The following ELP4 variants were observed in gnomAD, a reference collection of about 807,000 sequenced individuals.
The protein encoded by ELP4 is elongator complex protein 4.
ELP4 carries 51 observed loss-of-function variants against 48.9 expected under a neutral mutation model. The observed-to-expected ratio is 1.04, with a 90% confidence interval of 0.83 to 1.32. The LOEUF (loss-of-function observed/expected upper bound fraction) is 1.32. Among genes scored for constraint, ELP4 ranks in the 40% most tolerant of loss-of-function variants. ELP4 has a pLI of 0.00. For missense variants in ELP4, 519 were observed against 514.6 expected, an observed-to-expected ratio of 1.01 and a Z score of -0.08; for synonymous variants, 210 against 189.2, an observed-to-expected ratio of 1.11 and a Z score of -0.90.
At chr11:31,626,083 A>G (rs1039535735) in intron 5 of ELP4, among the ~76,000 whole-genome samples, 17 of 151,824 alleles carry the variant, frequency 1.1e-4, no homozygotes, top group African/African-American at 4.1e-4. Context: ...GTTCAACTAC[A>G]TGTTTACAGA....
At chr11:31,597,602 A>ACT (rs1957693266) in intron 4 of ELP4, among the ~76,000 whole-genome samples, 1 of 151,912 alleles carries the variant, frequency 6.6e-6, no homozygotes, top group Non-Finnish European at 1.5e-5. Context: ...ATGAACCTAA[A>ACT]CTCTAAGTTT....
intron 3 of ELP4, among the ~76,000 whole-genome samples, chr11:31,551,874 A>T (rs940403064): frequency 6.6e-6 from 1 of 152,174 alleles, no homozygotes; most frequent in Non-Finnish European, 1.5e-5. Context: ...TTCAAAACAT[A>T]TCATGACCCT....
At chr11:31,545,631 G>A (rs1024924598) in intron 3 of ELP4, among the ~76,000 whole-genome samples, 13 of 152,126 alleles carry the variant, frequency 8.5e-5, no homozygotes, top group Non-Finnish European at 1.6e-4. Context: ...GAAATACAGA[G>A]AATGCCACAA....
At chr11:31,562,628 T>A (rs984040375) in intron 3 of ELP4, among the ~76,000 whole-genome samples, 3 of 152,078 alleles carry the variant, frequency 2.0e-5, no homozygotes, top group South Asian at 2.1e-4. Context: ...TTTTTCACCC[T>A]TTCTTTTTGT....
chr11:31,743,593 T>A (rs1216271077), intron 9 of ELP4, among the ~76,000 whole-genome samples: 1 of 151,740 alleles, frequency 6.6e-6, no homozygotes, highest in African/African-American at 2.4e-5. Context: ...ATTAAGAAAC[T>A]CACTCAAAAC....
intron 9 of ELP4, among the ~76,000 whole-genome samples, chr11:31,764,676 C>G (rs1018137415): frequency 6.6e-6 from 1 of 152,166 alleles, no homozygotes. Flanking sequence ...AGATTTTATT[C>G]AGTGCTTTAC....
At chr11:31,653,768 G>A (rs1209986196) in intron 9 of ELP4, 3 of 151,744 alleles carry the variant, frequency 2.0e-5, no homozygotes, top group Non-Finnish European at 4.4e-5. Flanking sequence ...TGTGTTCTTA[G>A]TTACGTGTAA....
intron 9 of ELP4, among the ~76,000 whole-genome samples, chr11:31,781,068 G>A (rs947772553): frequency 1.3e-5 from 2 of 152,132 alleles, no homozygotes; most frequent in Non-Finnish European, 2.9e-5. Flanking sequence ...TTACCTATGT[G>A]CTTGCCTTAT....
intron 9 of ELP4, among the ~76,000 whole-genome samples, chr11:31,682,312 G>A (rs542843590): frequency 3.9e-5 from 6 of 152,208 alleles, no homozygotes; most frequent in East Asian, 1.9e-4. Flanking sequence ...GCTTGTTTAC[G>A]TATTTGCCTT....
chr11:31,527,565 C>T (rs1262278256), intron 2 of ELP4, among the ~76,000 whole-genome samples: 2 of 152,044 alleles, frequency 1.3e-5, no homozygotes. Context: ...ACGCTTGTCT[C>T]TCATACATCC....
chr11:31,587,806 C>T (rs979587170), intron 3 of ELP4, among the ~76,000 whole-genome samples: 5 of 152,002 alleles, frequency 3.3e-5, no homozygotes, highest in Non-Finnish European at 4.4e-5. Context: ...TAGCTTTCTA[C>T]ATTTTTAAAG....
rs777505794 is a variant in ELP4, at chr11:31,790,027, TG to T, written c.*6505del. The stretch of plus-strand genomic sequence containing the variant: ...CACCAGGGGAAATGAGTCCTAGAAG[TG>T]GATGAAAGAAATAGCCATGTAGATA... On this transcript the variant is annotated 3_prime_UTR_variant, in exon 10 of 10. Coordinates refer to ENST00000640961, the MANE Select transcript of ELP4 (RefSeq NM_019040.5). 1.3e-6 allele frequency: 2 copies of T among 1,548,884 alleles called. No homozygotes were observed. The highest frequency in any genetic ancestry group is 3.8e-5 in the Admixed American group (2 of 52,438).
At chr11:31,688,783 GA>G (rs771826855) in intron 9 of ELP4, among the ~76,000 whole-genome samples, 7 of 152,152 alleles carry the variant, frequency 4.6e-5, no homozygotes, top group Non-Finnish European at 1.0e-4. Flanking sequence ...TTTGAGATAG[GA>G]AATTGTGAGA....
At chr11:31,683,948 A>T (rs1946108974) in intron 9 of ELP4, among the ~76,000 whole-genome samples, 1 of 152,164 alleles carries the variant, frequency 6.6e-6, no homozygotes, top group Non-Finnish European at 1.5e-5. Context: ...GGATATCAAC[A>T]TGGTTTTGGT....
At chr11:31,783,368 C>T (rs1384853863) in intron 9 of ELP4, 25 bp from the exon 10 acceptor site, 5 of 1,580,584 alleles carry the variant, frequency 3.2e-6, no homozygotes, top group Admixed American at 3.8e-5. Context: ...TTCTTTTTTT[C>T]TTCTCCTGAA....
At chr11:31,676,458 G>A (rs1945927145) in intron 9 of ELP4, among the ~76,000 whole-genome samples, 1 of 152,044 alleles carries the variant, frequency 6.6e-6, no homozygotes, top group Non-Finnish European at 1.5e-5. Context: ...CTAGGATGTA[G>A]GTTTCACAAG....
chr11:31,764,638 G>A (rs1221348842), intron 9 of ELP4, among the ~76,000 whole-genome samples: 2 of 152,020 alleles, frequency 1.3e-5, no homozygotes, highest in African/African-American at 2.4e-5. Context: ...AAAAATCCAG[G>A]GCATCATATA....
At chr11:31,543,598 A>C (rs1163539701) in intron 3 of ELP4, among the ~76,000 whole-genome samples, 1 of 152,192 alleles carries the variant, frequency 6.6e-6, no homozygotes, top group African/African-American at 2.4e-5. Context: ...GGCAAACTCC[A>C]AGTTTTAAAA....
intron 5 of ELP4, among the ~76,000 whole-genome samples, chr11:31,604,472 C>A (rs546629899): frequency 6.6e-6 from 1 of 151,882 alleles, no homozygotes; most frequent in African/African-American, 2.4e-5. Context: ...AACAATGCAA[C>A]ATGTTTATAC....
Sources: allele counts gnomAD v4.1 joint callset (sites outside exome capture counted in the v4.1 genomes callset), GRCh38; gene constraint gnomAD v4.1.1; transcripts MANE v1.5; gene names NCBI Gene and HGNC (gene_info 2026-07-23, HGNC 2026-07-21).